The following HERC1 variants were observed in gnomAD, a reference collection of about 807,000 sequenced individuals.
HERC1 encodes the protein probable E3 ubiquitin-protein ligase HERC1.
In HERC1, 160 loss-of-function variants were observed where a neutral mutation model predicts 554.3. The observed-to-expected ratio is 0.29, with a 90% confidence interval of 0.25 to 0.33. The LOEUF is 0.33. Ranked by LOEUF, HERC1 falls within the 10% of genes least tolerant of loss-of-function variation. The probability of loss-of-function intolerance (pLI) is 1.00; values close to 1 mark genes in which losing one functional copy is unlikely to be tolerated. For synonymous variants in HERC1, 2,175 were observed against 2,131.7 expected (o/e 1.02, Z -0.56); for missense variants, 4,919 against 5,918.5 (o/e 0.83, Z 5.54).
At chr15:63,770,911 G>A (rs1230747858) in intron 2 of HERC1, among the ~76,000 whole-genome samples, 1 of 152,138 alleles carries the variant, frequency 6.6e-6, no homozygotes, top group African/African-American at 2.4e-5. Context: ...GTTCTAGGCT[G>A]GGCACGGTGG....
chr15:63,686,193 G>T (rs2071750227), intron 34 of HERC1, among the ~76,000 whole-genome samples, 166 bp downstream of exon 34: 1 of 152,104 alleles, frequency 6.6e-6, no homozygotes. Flanking sequence ...ATAGCACAGA[G>T]TTCCTGTATA....
intron 24 of HERC1, among the ~76,000 whole-genome samples, chr15:63,712,536 A>T (rs1219979761): frequency 6.6e-6 from 1 of 152,254 alleles, no homozygotes; most frequent in Non-Finnish European, 1.5e-5. Flanking sequence ...TTCGGGTGGA[A>T]TGTCCATCAA....
At position 63,678,330 on chromosome 15, in the gene HERC1, G is replaced by C. The variant is rs768949665; in HGVS notation, c.6585C>G (p.Pro2195=). 4.3e-6 allele frequency: 7 copies of C among 1,610,446 alleles called. No homozygotes were observed. In the African/African-American group the frequency reaches 9.4e-5, roughly 22 times the overall value. The change falls in exon 37 of 78, where the codon CCC becomes CCG. Residue 2195 remains proline (P), a synonymous_variant. Transcript: ENST00000443617. ...TAGGGTCTCCTGGAAGTAAGTCTCGGGGTGTGCCACGCATCTGCATATCAC... is the reference window on the plus strand; with the variant it reads ...TAGGGTCTCCTGGAAGTAAGTCTCGCGGTGTGCCACGCATCTGCATATCAC... The part of the protein sequence containing the change: ...KICDMQMRGT[P]RDLLPGDPIC...
In HERC1 at chr15:63,690,656, G is replaced by C. The variant is rs1221335358; in HGVS notation, c.5831-9C>G. Reference sequence around the variant, plus strand: ...ACCAACCAGAGGGATACCTGGAGGGGAAAAGACCTTTTCTTATTATCAATG... The same window carrying C: ...ACCAACCAGAGGGATACCTGGAGGGCAAAAGACCTTTTCTTATTATCAATG... On this transcript the variant is annotated splice_polypyrimidine_tract_variant and intron_variant, in intron 31 of 77. Coordinates refer to ENST00000443617, the MANE Select transcript of HERC1 (RefSeq NM_003922.4). 2 of 1,491,356 alleles carry C rather than the reference G, an allele frequency of 1.3e-6. No individual in the cohort carries two copies. Among genetic ancestry groups the C allele is most frequent in the Non-Finnish European group, 1.9e-6 (2 of 1,079,978 alleles). The allele number at this position is 1,491,356 out of a possible 1,614,324, so 92.4% of individuals were successfully genotyped here.
In HERC1 at chr15:63,747,682, G is replaced by GCA. The variant is rs143229625; in HGVS notation, c.2354+40_2354+41dup. 150 of 1,068,332 alleles carry GCA rather than the reference G, an allele frequency of 1.4e-4. No individual in the cohort carries two copies. In the East Asian group the frequency reaches 3.1e-3, roughly 22 times the overall value. 66.2% of individuals were successfully genotyped at this position (1,068,332 alleles called of 1,614,324 possible). ...TTTATACACATGCACACACGCGCGCGCACACACACACACAAAGATACAAAA... is the reference window on the plus strand; with the variant it reads ...TTTATACACATGCACACACGCGCGCGCACACACACACACACAAAGATACAAAA... On this transcript the variant is annotated intron_variant, in intron 11 of 77. Transcript: ENST00000443617.
intron 40 of HERC1, among the ~76,000 whole-genome samples, chr15:63,668,219 C>T (rs1290135784): frequency 6.6e-6 from 1 of 152,128 alleles, no homozygotes. Flanking sequence ...AAGGCATACA[C>T]ACCCCAATTA....
intron 39 of HERC1, among the ~76,000 whole-genome samples, chr15:63,670,669 G>C (rs757326445): frequency 2.0e-5 from 3 of 152,136 alleles, no homozygotes; most frequent in Non-Finnish European, 2.9e-5. Context: ...ACACTAATCA[G>C]AGCTGAAAAG....
chr15:63,617,848 A>G (rs1362667029), intron 74 of HERC1, among the ~76,000 whole-genome samples: 1 of 151,768 alleles, frequency 6.6e-6, no homozygotes, highest in East Asian at 1.9e-4. Context: ...CCACTTTTTG[A>G]TGGGGTTGTT....
chr15:63,734,568 G>A lies in HERC1; in HGVS notation c.2646+156C>T. The stretch of plus-strand genomic sequence containing the variant: ...ATAAATTATCACTTGCTTCACCTAA[G>A]GTTGTTAAGACAACTGGGAATTCTT... On this transcript the variant is annotated intron_variant, in intron 13 of 77. Transcript: ENST00000443617. The surrounding 1 kb of genome is among the most constrained non-coding windows in gnomAD (Gnocchi z 4.6). The A allele has an allele frequency of 3.9e-6, 2 of 513,250 alleles. No individual in the cohort carries two copies. The highest frequency in any genetic ancestry group is 8.1e-5 in the South Asian group (2 of 24,764). The allele number at this position is 513,250 out of a possible 1,614,324, so 31.8% of individuals were successfully genotyped here.
Position 63,656,268 on chromosome 15 carries a change from T to C in HERC1, c.9690A>G (p.Ala3230=), listed in dbSNP as rs2070028056. 2 of 1,613,930 alleles carry C rather than the reference T, an allele frequency of 1.2e-6. No homozygotes were observed. Among genetic ancestry groups the C allele is most frequent in the Non-Finnish European group, 1.7e-6 (2 of 1,179,850 alleles). ...TLVRLMCLAA[A]GRAGLSTSPS... ...GGCTGGTGGAGAGGCCAGCTCTCCC[T>C]GCTGCTGCCAAGCACATTAATCGAA... is the stretch of plus-strand genomic sequence containing the variant. The change falls in exon 49 of 78, where the codon GCA becomes GCG. Residue 3230 remains alanine, a synonymous_variant. Coordinates refer to ENST00000443617, the MANE Select transcript of HERC1 (RefSeq NM_003922.4).
intron 63 of HERC1, 39 bp downstream of exon 63, chr15:63,638,372 T>C: frequency 6.3e-7 from 1 of 1,594,064 alleles, no homozygotes; most frequent in Non-Finnish European, 8.6e-7. Context: ...GAATTTTCAG[T>C]TCCCATGTTT....
At chr15:63,630,679 C>T (rs774012099) in intron 68 of HERC1, 44 bp from the exon 69 acceptor site, 2 of 1,564,594 alleles carry the variant, frequency 1.3e-6, no homozygotes, top group African/African-American at 2.7e-5. Context: ...TTATGCACCA[C>T]ACAACACAGT....
At position 63,612,251 on chromosome 15, in the gene HERC1, C is replaced by T. The variant is rs773314378; in HGVS notation, c.14400G>A (p.Arg4800=). ...AAGGAAAAAAGAATAGCTTACTTACCCTATCAACCTTCATGATTTGAAATC... is the reference window on the plus strand; with the variant it reads ...AAGGAAAAAAGAATAGCTTACTTACTCTATCAACCTTCATGATTTGAAATC... ...SQRFQIMKVD[R]PYDSLPTSQT... Residue 4800 remains arginine (R), a splice_region_variant and synonymous_variant, in exon 77 of 78, where the codon AGG becomes AGA. Coordinates refer to ENST00000443617, the MANE Select transcript of HERC1 (RefSeq NM_003922.4). The surrounding 1 kb of genome is among the most constrained non-coding windows in gnomAD (Gnocchi z 5.0). 4 of 1,601,324 alleles carry T rather than the reference C, an allele frequency of 2.5e-6. No homozygotes were observed. The highest frequency in any genetic ancestry group is 2.2e-5 in the East Asian group (1 of 44,590).
In HERC1 at chr15:63,624,293, C is replaced by A; in HGVS notation, c.13310G>T (p.Gly4437Val). Residue 4437 changes from glycine to valine, a missense_variant, in exon 72 of 78, where the codon GGC becomes GTC. Gly to Val is a moderately radical substitution (Grantham distance 109). Coordinates refer to ENST00000443617, the MANE Select transcript of HERC1 (RefSeq NM_003922.4). The stretch of plus-strand genomic sequence containing the variant: ...AGGCCGAAGTTGTCCCTGTACAATG[C>A]CCCAAGTTCCAGCATTATAATGGGA... Reference protein sequence around the residue: ...STSHYNAGTWGIVQGQLRPLL... With the variant: ...STSHYNAGTWVIVQGQLRPLL... 6.2e-7 allele frequency: 1 copy of A among 1,611,528 alleles called. No homozygotes were observed. The highest frequency in any genetic ancestry group is 8.5e-7 in the Non-Finnish European group (1 of 1,178,316).
intron 11 of HERC1, 41 bp from the exon 12 acceptor site, chr15:63,747,124 A>G (rs1163197073): frequency 6.4e-7 from 1 of 1,557,350 alleles, no homozygotes; most frequent in Non-Finnish European, 8.7e-7. Flanking sequence ...GGATCATAAA[A>G]GTGCCTGTGC....
intron 77 of HERC1, among the ~76,000 whole-genome samples, chr15:63,611,237 TG>T (rs1263606231): frequency 6.6e-6 from 1 of 152,142 alleles, no homozygotes; most frequent in African/African-American, 2.4e-5. Context: ...CATCAGAAAG[TG>T]GGGCAGAGGC....
Position 63,747,813 on chromosome 15 carries a change from C to T in HERC1, c.2265G>A (p.Glu755=), listed in dbSNP as rs1171563454. The change falls in exon 11 of 78, where the codon GAG becomes GAA. Residue 755 remains glutamate (E), a synonymous_variant. Coordinates refer to ENST00000443617, the MANE Select transcript of HERC1 (RefSeq NM_003922.4). ...AAGAACGCAGGTGTGAGAAGGTACT[C>T]TCTTCAAGATCTACACAATAAGGTC... ...WHRPYCVDLE[E]STFSHLRSFL... 2 of 1,466,668 alleles carry T rather than the reference C, an allele frequency of 1.4e-6. No homozygotes were observed. Among genetic ancestry groups the T allele is most frequent in the Non-Finnish European group, 1.8e-6 (2 of 1,104,526 alleles). The allele number at this position is 1,466,668 out of a possible 1,614,324, so 90.9% of individuals were successfully genotyped here. A position where few individuals can be genotyped will look rare whatever the true frequency, so the allele number is the denominator to read the frequency against.
In HERC1 at chr15:63,755,334, C is replaced by T. The variant is rs1387077274; in HGVS notation, c.1534-9G>A. On this transcript the variant is annotated splice_polypyrimidine_tract_variant and intron_variant, in intron 5 of 77. Transcript: ENST00000443617. ...GACACACAAACAACTACCTGCATTG[C>T]ACACAAGTAAATACGATGAGTATGC... 3 of 1,600,508 alleles carry T rather than the reference C, an allele frequency of 1.9e-6. No individual in the cohort carries two copies. The highest frequency in any genetic ancestry group is 3.3e-5 in the Admixed American group (2 of 59,954).
intron 11 of HERC1, 27 bp downstream of exon 11, chr15:63,747,695 CAA>C: frequency 7.1e-7 from 1 of 1,416,444 alleles, no homozygotes; most frequent in Non-Finnish European, 9.7e-7. Flanking sequence ...CACACACACA[CAA>C]AGATACAAAA....
Sources: gnomAD v4.1 joint callset for allele counts (sites outside exome capture counted in the v4.1 genomes callset) on GRCh38, gnomAD v4.1.1 for gene constraint, Gnocchi (gnomAD v3.1) non-coding constraint, MANE v1.5 for transcripts, NCBI Gene and HGNC (gene_info 2026-07-23, HGNC 2026-07-21) for gene names.